The following DPP10 variants were observed in gnomAD, a reference collection of about 807,000 sequenced individuals.
DPP10 encodes inactive dipeptidyl peptidase 10.
A neutral mutation model predicts 120.9 loss-of-function variants in DPP10; 33 were observed. That is an observed-to-expected ratio of 0.27 (90% CI 0.21 to 0.37). The LOEUF is 0.37. Ranked by LOEUF, DPP10 falls within the 10% of genes least tolerant of loss-of-function variation. DPP10 has a pLI of 1.00. For missense variants in DPP10, 816 were observed against 942.8 expected, an observed-to-expected ratio of 0.87 and a Z score of 1.76; for synonymous variants, 337 against 326.1, an observed-to-expected ratio of 1.03 and a Z score of -0.36.
At chr2:114,962,484 T>C (rs1380397851) in intron 1 of DPP10, among the ~76,000 whole-genome samples, 1 of 152,146 alleles carries the variant, frequency 6.6e-6, no homozygotes, top group Non-Finnish European at 1.5e-5. Flanking sequence ...AAAGTGTGCT[T>C]TTTTTCTTGT....
chr2:115,496,577 G>A (rs1003001118), intron 3 of DPP10, among the ~76,000 whole-genome samples: 2 of 152,046 alleles, frequency 1.3e-5, no homozygotes, highest in African/African-American at 4.8e-5. Context: ...TCACTATGAG[G>A]AACTATGGGG....
At chr2:115,549,000 T>C (rs2079698697) in intron 5 of DPP10, among the ~76,000 whole-genome samples, 1 of 152,124 alleles carries the variant, frequency 6.6e-6, no homozygotes. Flanking sequence ...CACCATCACT[T>C]ACCCAATTTT....
chr2:114,916,768 C>T (rs1402211824), intron 1 of DPP10, among the ~76,000 whole-genome samples: 3 of 152,200 alleles, frequency 2.0e-5, no homozygotes, highest in African/African-American at 7.2e-5. Context: ...TAACATTCCA[C>T]ATCCCTTCAT....
At chr2:115,794,138 A>G (rs1684289429) in intron 19 of DPP10, among the ~76,000 whole-genome samples, 1 of 152,198 alleles carries the variant, frequency 6.6e-6, no homozygotes, top group Non-Finnish European at 1.5e-5. Flanking sequence ...AGCGACTATT[A>G]TTTAAATGAG....
chr2:114,454,263 C>T (rs1678442615), intron 1 of DPP10, among the ~76,000 whole-genome samples: 1 of 152,150 alleles, frequency 6.6e-6, no homozygotes, highest in African/African-American at 2.4e-5. Context: ...CTGTCATCAT[C>T]ATTATTATTT....
intron 1 of DPP10, among the ~76,000 whole-genome samples, chr2:114,753,212 C>A (rs1345531740): frequency 3.3e-5 from 5 of 152,148 alleles, no homozygotes; most frequent in Admixed American, 1.3e-4. Context: ...TAATGGATGT[C>A]CCTCCCTTAG....
chr2:114,637,803 G>A lies in DPP10; in HGVS notation c.60+194965G>A, dbSNP rs557289278. On this transcript the variant is annotated intron_variant, in intron 1 of 25. Transcript: ENST00000410059. The stretch of plus-strand genomic sequence containing the variant: ...AAAGATCAGATGGCTGTATGTGTGC[G>A]GTCTTATTTCTAGGTTTTCCGTTCT... Among the ~76,000 whole-genome samples the A allele has an allele frequency of 6.6e-5, 10 of 151,712 alleles. 1 individual carries two copies. The highest frequency in any genetic ancestry group is 2.1e-4 in the South Asian group (1 of 4,818).
chr2:115,599,302 CTA>C (rs1015791600), intron 5 of DPP10, among the ~76,000 whole-genome samples: 4 of 152,030 alleles, frequency 2.6e-5, no homozygotes, highest in African/African-American at 7.2e-5. Flanking sequence ...ACTCAATTAC[CTA>C]TATGTTAAAA....
chr2:114,569,748 A>G (rs1273209076), intron 1 of DPP10, among the ~76,000 whole-genome samples: 1 of 152,230 alleles, frequency 6.6e-6, no homozygotes, highest in African/African-American at 2.4e-5. Flanking sequence ...CATGAGAAAC[A>G]AAGAAATCTT....
intron 3 of DPP10, among the ~76,000 whole-genome samples, chr2:115,464,268 A>C (rs2074169728): frequency 1.3e-5 from 2 of 152,172 alleles, no homozygotes; most frequent in African/African-American, 4.8e-5. Context: ...TTTTACATTA[A>C]ATATTTAACT....
intron 1 of DPP10, among the ~76,000 whole-genome samples, chr2:114,610,978 A>T (rs899595513): frequency 1.3e-4 from 20 of 152,100 alleles, no homozygotes; most frequent in Admixed American, 1.2e-3. Context: ...GCACTGAGTG[A>T]TCATCATCAG....
intron 1 of DPP10, among the ~76,000 whole-genome samples, chr2:115,105,524 A>G (rs1025203076): frequency 1.3e-5 from 2 of 152,142 alleles, no homozygotes; most frequent in African/African-American, 4.8e-5. Flanking sequence ...GAATTCATTC[A>G]TTACCATGGT....
chr2:114,449,341 C>T (rs776227305), intron 1 of DPP10, among the ~76,000 whole-genome samples: 34 of 152,070 alleles, frequency 2.2e-4, no homozygotes, highest in African/African-American at 6.3e-4. Flanking sequence ...TGGCCTTCCA[C>T]GGACAGACAC....
chr2:115,292,632 A>G (rs776447085), intron 1 of DPP10, among the ~76,000 whole-genome samples: 27 of 152,154 alleles, frequency 1.8e-4, no homozygotes, highest in Non-Finnish European at 3.4e-4. Context: ...GTTTCCTCCA[A>G]TGTGGTATGT....
chr2:115,158,484 G>A (rs572416496), intron 1 of DPP10, among the ~76,000 whole-genome samples: 100 of 152,304 alleles, frequency 6.6e-4, no homozygotes, highest in Middle Eastern at 3.4e-3. Context: ...CTGTCTACAT[G>A]TGAACCCAAA....
chr2:115,794,012 A>C (rs978923540), intron 19 of DPP10, among the ~76,000 whole-genome samples: 8 of 152,184 alleles, frequency 5.3e-5, no homozygotes, highest in Non-Finnish European at 1.2e-4. Context: ...ATTTAAAGCC[A>C]TATTTTTTCT....
Position 115,781,131 on chromosome 2 carries a change from A to G in DPP10, c.1483+136A>G, listed in dbSNP as rs1399146238. The G allele has an allele frequency of 1.0e-5, 6 of 576,110 alleles. No individual in the cohort carries two copies. In the South Asian group the frequency reaches 1.5e-4, roughly 14 times the overall value. 35.7% of individuals were successfully genotyped at this position (576,110 alleles called of 1,614,324 possible). On this transcript the variant is annotated intron_variant, in intron 16 of 25. Transcript: ENST00000410059. ...AATTTTTGTTAATAGGATATACATTATATATAGACTTACTGAGATACAATT... is the reference window on the plus strand; with the variant it reads ...AATTTTTGTTAATAGGATATACATTGTATATAGACTTACTGAGATACAATT...
intron 2 of DPP10, among the ~76,000 whole-genome samples, chr2:115,337,239 G>C (rs892340039): frequency 6.6e-6 from 1 of 151,948 alleles, no homozygotes; most frequent in African/African-American, 2.4e-5. Flanking sequence ...GGCAAGTTGA[G>C]GCAGAATGGG....
At chr2:115,219,435 C>T (rs547437371) in intron 1 of DPP10, among the ~76,000 whole-genome samples, 82 of 152,212 alleles carry the variant, frequency 5.4e-4, no homozygotes, top group African/African-American at 1.6e-3. Context: ...AGTGTATACA[C>T]ACACACAAAC....
Sources: gnomAD v4.1 joint callset for allele counts (sites outside exome capture counted in the v4.1 genomes callset) on GRCh38, gnomAD v4.1.1 for gene constraint, MANE v1.5 for transcripts, NCBI Gene and HGNC (gene_info 2026-07-23, HGNC 2026-07-21) for gene names.